LRRTM4: variants seen among roughly 807,000 people sequenced by gnomAD.
LRRTM4 encodes leucine-rich repeat transmembrane neuronal protein 4.
Under a neutral mutation model 47.6 loss-of-function variants are expected in LRRTM4, and 25 were observed. That is an observed-to-expected ratio of 0.53 (90% CI 0.38 to 0.73). The LOEUF is 0.73. Among genes scored for constraint, LRRTM4 ranks in the 30% least tolerant of loss-of-function variants. LRRTM4 has a pLI of 0.00. For missense variants in LRRTM4, 638 were observed against 713.4 expected, an observed-to-expected ratio of 0.89 and a Z score of 1.20; for synonymous variants, 311 against 269.5, an observed-to-expected ratio of 1.15 and a Z score of -1.51.
chr2:76,788,295 A>C (rs1674787375), intron 3 of LRRTM4, among the ~76,000 whole-genome samples: 1 of 152,230 alleles, frequency 6.6e-6, no homozygotes, highest in African/African-American at 2.4e-5. Context: ...AGAGTTAGAC[A>C]AGAAAAGGAG....
At chr2:77,142,377 G>A (rs1487644706) in intron 3 of LRRTM4, among the ~76,000 whole-genome samples, 2 of 151,566 alleles carry the variant, frequency 1.3e-5, no homozygotes, top group African/African-American at 2.4e-5. Flanking sequence ...AGACTAGATC[G>A]AAAACCTAAT....
Position 77,204,683 on chromosome 2 carries a change from T to C in LRRTM4, c.1551+313635A>G, listed in dbSNP as rs142181841. Among the ~76,000 whole-genome samples the C allele has an allele frequency of 5.1e-3, 779 of 152,274 alleles. 9 individuals are homozygous for C. The highest frequency in any genetic ancestry group is 0.018 in the African/African-American group (754 of 41,566). ...AAATCATAACACTTTCTGTGATTCATTGTTAAAAAGTTTGATTGTGTGGTC... is the reference window on the plus strand; with the variant it reads ...AAATCATAACACTTTCTGTGATTCACTGTTAAAAAGTTTGATTGTGTGGTC... On this transcript the variant is annotated intron_variant, in intron 3 of 3. Coordinates refer to ENST00000409884, the MANE Select transcript of LRRTM4 (RefSeq NM_001134745.3).
chr2:77,133,802 G>C (rs566713601), intron 3 of LRRTM4, among the ~76,000 whole-genome samples: 1 of 152,262 alleles, frequency 6.6e-6, no homozygotes, highest in Non-Finnish European at 1.5e-5. Flanking sequence ...TGACTCTTCA[G>C]GCATGAGTTT....
At chr2:77,284,984 T>C (rs1676610162) in intron 3 of LRRTM4, among the ~76,000 whole-genome samples, 1 of 152,042 alleles carries the variant, frequency 6.6e-6, no homozygotes, top group South Asian at 2.1e-4. Flanking sequence ...AGTTTAAGGA[T>C]TGCATTTAGA....
At chr2:77,463,808 G>A (rs1676878578) in intron 3 of LRRTM4, among the ~76,000 whole-genome samples, 1 of 152,114 alleles carries the variant, frequency 6.6e-6, no homozygotes, top group Non-Finnish European at 1.5e-5. Flanking sequence ...GCATAGCAGG[G>A]AATTGTATAC....
At chr2:76,807,919 C>T (rs1670588037) in intron 3 of LRRTM4, among the ~76,000 whole-genome samples, 1 of 113,258 alleles carries the variant, frequency 8.8e-6, no homozygotes, top group African/African-American at 3.0e-5. Context: ...CTTTTCTTTC[C>T]TTTCTTTCCT....
At chr2:76,967,036 C>T (rs1475216718) in intron 3 of LRRTM4, among the ~76,000 whole-genome samples, 3 of 151,438 alleles carry the variant, frequency 2.0e-5, no homozygotes, top group Non-Finnish European at 3.0e-5. Flanking sequence ...TAAATTTGTA[C>T]TTAATCAGGC....
At chr2:76,875,313 G>A (rs550291385) in intron 3 of LRRTM4, among the ~76,000 whole-genome samples, 1 of 152,170 alleles carries the variant, frequency 6.6e-6, no homozygotes, top group East Asian at 1.9e-4. Flanking sequence ...TTTCCCTCTT[G>A]AAACTTCTCC....
chr2:76,778,809 A>G (rs1674180880), intron 3 of LRRTM4, among the ~76,000 whole-genome samples: 1 of 150,146 alleles, frequency 6.7e-6, no homozygotes, highest in Non-Finnish European at 1.5e-5. Context: ...CTAGCTTTTG[A>G]ATGTGTTTGC....
chr2:76,986,774 G>C (rs886342038), intron 3 of LRRTM4, among the ~76,000 whole-genome samples: 1 of 151,860 alleles, frequency 6.6e-6, no homozygotes, highest in African/African-American at 2.4e-5. Context: ...CATGCCTAAA[G>C]CAAGTTTACT....
intron 3 of LRRTM4, among the ~76,000 whole-genome samples, chr2:77,230,052 T>G (rs2103968363): frequency 6.6e-6 from 1 of 152,266 alleles, no homozygotes; most frequent in Admixed American, 6.5e-5. Context: ...GTAATTCCTC[T>G]AATTTTTCAG....
chr2:76,850,358 T>A (rs897208540), intron 3 of LRRTM4, among the ~76,000 whole-genome samples: 1 of 152,150 alleles, frequency 6.6e-6, no homozygotes, highest in Non-Finnish European at 1.5e-5. Context: ...GTGGAAGACA[T>A]ATCAGAACCT....
At chr2:76,964,863 T>C (rs896366337) in intron 3 of LRRTM4, among the ~76,000 whole-genome samples, 5 of 150,766 alleles carry the variant, frequency 3.3e-5, no homozygotes, top group African/African-American at 1.2e-4. Flanking sequence ...ACTAGGCCCT[T>C]TGTAATTTTC....
chr2:77,023,960 A>T lies in LRRTM4; in HGVS notation c.1552-275044T>A, dbSNP rs180815692. On this transcript the variant is annotated intron_variant, in intron 3 of 3. Coordinates refer to ENST00000409884, the MANE Select transcript of LRRTM4 (RefSeq NM_001134745.3). ...AGACGTACCCAAGACTGGGAAGGAA[A>T]AAAAAAGATTAATTGGACTTACAGT... Among the ~76,000 whole-genome samples, 446 of 152,280 alleles carry T rather than the reference A, an allele frequency of 2.9e-3. 6 individuals carry two copies. The highest frequency in any genetic ancestry group is 9.3e-3 in the African/African-American group (388 of 41,550).
chr2:77,492,484 C>A (rs190800176), intron 3 of LRRTM4, among the ~76,000 whole-genome samples: 2 of 152,138 alleles, frequency 1.3e-5, no homozygotes, highest in East Asian at 1.9e-4. Flanking sequence ...GACTTGAACT[C>A]CTGGCCTCAA....
At chr2:77,384,494 T>C (rs2103799620) in intron 3 of LRRTM4, among the ~76,000 whole-genome samples, 1 of 152,036 alleles carries the variant, frequency 6.6e-6, no homozygotes, top group African/African-American at 2.4e-5. Flanking sequence ...TTATCACTAC[T>C]TTGCTTACTA....
At chr2:76,859,871 TAAATA>T (rs1414034748) in intron 3 of LRRTM4, among the ~76,000 whole-genome samples, 7 of 152,168 alleles carry the variant, frequency 4.6e-5, no homozygotes, top group Non-Finnish European at 7.4e-5. Context: ...TCTTTGAATA[TAAATA>T]AATATATGGT....
chr2:77,439,518 G>A (rs1216984331), intron 3 of LRRTM4, among the ~76,000 whole-genome samples: 1 of 151,820 alleles, frequency 6.6e-6, no homozygotes, highest in East Asian at 1.9e-4. Context: ...ACATTTCTGA[G>A]GAAGAAATCT....
rs557557781 is a variant in LRRTM4, at chr2:77,211,337, G to C, written c.1551+306981C>G. ...GCAGATACTGCTTAAAGCAGAGAGA[G>C]AGAATTAGAAATGCTTTGGCTTCTC... is the stretch of plus-strand genomic sequence containing the variant. On this transcript the variant is annotated intron_variant, in intron 3 of 3. Coordinates refer to ENST00000409884, the MANE Select transcript of LRRTM4 (RefSeq NM_001134745.3). Among the ~76,000 whole-genome samples, 11 of 152,278 alleles carry C rather than the reference G, an allele frequency of 7.2e-5. 1 individual carries two copies. In the South Asian group the frequency reaches 2.3e-3, roughly 32 times the overall value.
Sources: allele counts gnomAD v4.1 joint callset (sites outside exome capture counted in the v4.1 genomes callset), GRCh38; gene constraint gnomAD v4.1.1; transcripts MANE v1.5; gene names NCBI Gene and HGNC (gene_info 2026-07-23, HGNC 2026-07-21).